MIA2: variants seen among roughly 807,000 people sequenced by gnomAD.
The protein encoded by MIA2 is MIA SH3 domain ER export factor 2, also known as melanoma inhibitory activity protein 2.
Under a neutral mutation model 167.8 loss-of-function variants are expected in MIA2, and 127 were observed. That is an observed-to-expected ratio of 0.76 (90% CI 0.66 to 0.88). The LOEUF (loss-of-function observed/expected upper bound fraction) is 0.88. Ranked by LOEUF, MIA2 falls within the 40% of genes least tolerant of loss-of-function variation. The pLI is 0.00. For missense variants in MIA2, 1,690 were observed against 1,624.7 expected, an observed-to-expected ratio of 1.04 and a Z score of -0.69; for synonymous variants, 552 against 541.9, an observed-to-expected ratio of 1.02 and a Z score of -0.26.
chr14:39,277,669 CTTTTATATATATATATA>C (rs2058209958), intron 7 of MIA2, among the ~76,000 whole-genome samples: 1 of 68,232 alleles, frequency 1.5e-5, no homozygotes, highest in Non-Finnish European at 2.9e-5. Flanking sequence ...AATGTAAGAT[CTTTTATATATATATATA>C]TGTGTGTATA....
At chr14:39,268,664 TA>T (rs2152690150) in intron 6 of MIA2, among the ~76,000 whole-genome samples, 1 of 152,312 alleles carries the variant, frequency 6.6e-6, no homozygotes, top group East Asian at 1.9e-4. Context: ...ACTTGTGGTT[TA>T]AAATTTAAGC....
rs756757586 is a variant in MIA2 at position 39,348,905 on chromosome 14, G to A, written c.4000G>A (p.Ala1334Thr). The A allele has an allele frequency of 1.8e-5, 29 of 1,613,946 alleles. No individual in the cohort carries two copies. Among genetic ancestry groups the A allele is most frequent in the South Asian group, 2.2e-5 (2 of 91,080 alleles). Residue 1334 changes from alanine (A) to threonine (T), a missense_variant, in exon 28 of 29, where the codon GCC (alanine) becomes ACC (threonine). Transcript: ENST00000640607. ...GPPFPPPPPG[A>T]MFGASRDYFP... Reference sequence around the variant, plus strand: ...TCCTTTCCCCCCACCTCCTCCAGGAGCCATGTTTGGAGCTTCTCGAGATTA... The same window carrying A: ...TCCTTTCCCCCCACCTCCTCCAGGAACCATGTTTGGAGCTTCTCGAGATTA...
At chr14:39,313,546 A>G in intron 19 of MIA2, 105 bp downstream of exon 19, 2 of 639,192 alleles carry the variant, frequency 3.1e-6, no homozygotes, top group South Asian at 4.3e-5. Context: ...AACATTTTAA[A>G]ATCTGACAGG....
At chr14:39,293,412 G>A (rs1263116464) in intron 11 of MIA2, 31 bp downstream of exon 11, 2 of 1,345,526 alleles carry the variant, frequency 1.5e-6, no homozygotes, top group East Asian at 2.3e-5. Context: ...GAGAATATAA[G>A]AAAAAGAAAG....
At chr14:39,277,145 T>C (rs1438971084) in intron 7 of MIA2, 80 bp downstream of exon 7, 3 of 1,501,704 alleles carry the variant, frequency 2.0e-6, no homozygotes, top group South Asian at 1.3e-5. Flanking sequence ...ATATTTGTTA[T>C]TTTAAGTAAA....
At chr14:39,332,041 A>G (rs1327050034) in intron 25 of MIA2, among the ~76,000 whole-genome samples, 5 of 152,336 alleles carry the variant, frequency 3.3e-5, no homozygotes, top group East Asian at 1.9e-4. Context: ...GAGTTTTCCA[A>G]CTTGATTCCA....
chr14:39,353,678 A>G (rs573802829), downstream of MIA2, among the ~76,000 whole-genome samples: 49 of 152,122 alleles, frequency 3.2e-4, no homozygotes, highest in South Asian at 5.8e-3. Flanking sequence ...CCATTAACTC[A>G]TCATTTACAT....
chr14:39,260,862 T>A (rs1410571372), intron 6 of MIA2, among the ~76,000 whole-genome samples: 1 of 152,224 alleles, frequency 6.6e-6, no homozygotes, highest in African/African-American at 2.4e-5. Flanking sequence ...AAATCTTTAA[T>A]CCATCTTGAG....
chr14:39,380,490 A>G (rs958464982), intron 23 of MIA2, among the ~76,000 whole-genome samples: 3 of 151,658 alleles, frequency 2.0e-5, no homozygotes, highest in Admixed American at 1.3e-4. Flanking sequence ...GTCAAGAGAT[A>G]GAGAGCATCC....
At chr14:39,312,471 G>C (rs1238812494) in intron 18 of MIA2, among the ~76,000 whole-genome samples, 1 of 152,190 alleles carries the variant, frequency 6.6e-6, no homozygotes, top group African/African-American at 2.4e-5. Flanking sequence ...TTCTTCAGTA[G>C]TTTGTCTTGT....
At chr14:39,294,171 T>C (rs2061099651) in intron 12 of MIA2, 100 bp downstream of exon 12, 5 of 793,046 alleles carry the variant, frequency 6.3e-6, no homozygotes, top group African/African-American at 1.8e-5. Flanking sequence ...ATTTGAGATA[T>C]AGGGGATCCC....
intron 23 of MIA2, among the ~76,000 whole-genome samples, chr14:39,359,289 T>A (rs1376925094): frequency 6.6e-6 from 1 of 152,166 alleles, no homozygotes; most frequent in Non-Finnish European, 1.5e-5. Context: ...CGCCTTGCAG[T>A]TTGATTTCAG....
intron 6 of MIA2, among the ~76,000 whole-genome samples, chr14:39,258,907 T>G (rs1256107922): frequency 6.6e-6 from 1 of 152,222 alleles, no homozygotes; most frequent in African/African-American, 2.4e-5. Context: ...ATATCACCAG[T>G]GGAGGCTGCA....
At chr14:39,312,887 T>TTG (rs35409851) in intron 18 of MIA2, among the ~76,000 whole-genome samples, 99 of 150,192 alleles carry the variant, frequency 6.6e-4, no homozygotes, top group Middle Eastern at 3.4e-3. Context: ...GTAATTATAA[T>TTG]TGTGTGTGTG....
chr14:39,355,187 G>A (rs1398042245), downstream of MIA2, among the ~76,000 whole-genome samples: 11 of 151,578 alleles, frequency 7.3e-5, no homozygotes, highest in Non-Finnish European at 1.5e-4. Context: ...TCCTACCCAT[G>A]AGCATGGAAT....
In MIA2 at chr14:39,367,421, T is replaced by G. The variant is rs1057119470; in HGVS notation, c.2248+18444T>G. ...TGCACAGCTTGGATTTCAGGGACTG[T>G]GTGTGGTACTCGGCATGAGCTCCCT... On this transcript the variant is annotated intron_variant, in intron 23 of 23. Transcript: ENST00000341502. Among the ~76,000 whole-genome samples, 3 of 152,176 alleles carry G rather than the reference T, an allele frequency of 2.0e-5. No homozygotes were observed. The East Asian group carries it at 5.8e-4, about 29-fold the overall frequency.
At position 39,277,009 on chromosome 14, in the gene MIA2, G is replaced by C. The variant is rs776576456; in HGVS notation, c.1963G>C (p.Ala655Pro). 3.3e-5 allele frequency: 54 copies of C among 1,613,846 alleles called. 1 individual carries two copies. The South Asian group carries it at 5.8e-4, about 17-fold the overall frequency. Residue 655 changes from alanine (A) to proline (P), a missense_variant, in exon 7 of 29, where the codon GCA becomes CCA. Transcript: ENST00000640607. The part of the protein sequence containing the change: ...YGFPWELVIC[A>P]AVVGFFAVLF... ...TTTTCCATGGGAATTGGTGATATGT[G>C]CAGCTGTTGTTGGATTTTTTGCTGT...
intron 4 of MIA2, among the ~76,000 whole-genome samples, chr14:39,251,831 T>C (rs1243319731): frequency 6.6e-6 from 1 of 152,204 alleles, no homozygotes; most frequent in African/African-American, 2.4e-5. Flanking sequence ...AAATTAGACA[T>C]TGAACAATTC....
chr14:39,324,509 T>A (rs1041202687), intron 24 of MIA2, among the ~76,000 whole-genome samples: 79 of 152,256 alleles, frequency 5.2e-4, no homozygotes, highest in African/African-American at 1.8e-3. Context: ...TGTGAATGCT[T>A]ATGCTGATTT....
Sources: gnomAD v4.1 joint callset for allele counts (sites outside exome capture counted in the v4.1 genomes callset) on GRCh38, gnomAD v4.1.1 for gene constraint, MANE v1.5 for transcripts, NCBI Gene and HGNC (gene_info 2026-07-23, HGNC 2026-07-21) for gene names.